NF1: variants seen among roughly 807,000 people sequenced by gnomAD.
The protein encoded by NF1 is neurofibromin.
NF1 carries 122 observed loss-of-function variants against 325.7 expected under a neutral mutation model. The observed-to-expected ratio is 0.37, with a 90% CI of 0.32 to 0.44. NF1 has a LOEUF of 0.44. NF1 is among the 20% of genes least tolerant of loss of function. The pLI is 1.00. For missense variants in NF1, 2,140 were observed against 3,415.4 expected (o/e 0.63, Z 9.31); for synonymous variants, 1,091 against 1,186.0 (o/e 0.92, Z 1.65).
intron 1 of NF1, among the ~76,000 whole-genome samples, chr17:31,104,985 G>T (rs1028306432): frequency 2.6e-5 from 4 of 151,980 alleles, no homozygotes; most frequent in Admixed American, 1.3e-4. Flanking sequence ...GCTCACCATA[G>T]CCTCGAACTC....
rs1597882991 is a variant in NF1 at position 31,374,033 on chromosome 17, G to A, written c.8398G>A (p.Glu2800Lys). 1.2e-6 allele frequency: 2 copies of A among 1,614,066 alleles called. No homozygotes were observed. Among genetic ancestry groups the A allele is most frequent in the Non-Finnish European group, 1.7e-6 (2 of 1,179,948 alleles). ...TCCAGGAATCGACAAGGAGAACGTT[G>A]AACTCTCCCCTACCACTGGCCACTG... is the stretch of plus-strand genomic sequence containing the variant. ...HSPGIDKENV[E>K]LSPTTGHCNS... The change falls in exon 58 of 58, where the codon GAA (glutamate) becomes AAA (lysine). Residue 2800 changes from glutamate to lysine, a missense_variant. Glu to Lys is a moderately conservative substitution (Grantham distance 56). This residue lies in a region of NF1 where 522 missense variants were observed against 749.0 expected (regional missense o/e 0.70). Transcript: ENST00000358273.
intron 36 of NF1, among the ~76,000 whole-genome samples, chr17:31,315,566 T>A (rs899125326): frequency 4.6e-5 from 7 of 152,170 alleles, no homozygotes; most frequent in African/African-American, 1.4e-4. Flanking sequence ...ATACAAAAAA[T>A]TTTTAAGTTA....
At chr17:31,189,758 ATTTTTTTT>A (rs1007309645) in intron 8 of NF1, among the ~76,000 whole-genome samples, 34 of 118,562 alleles carry the variant, frequency 2.9e-4, no homozygotes, top group Middle Eastern at 5.0e-3. Context: ...AAAGAAAAGT[ATTTTTTTT>A]TTTTTTTTTT....
chr17:31,198,907 C>T (rs1435126930), intron 8 of NF1, among the ~76,000 whole-genome samples: 6 of 152,146 alleles, frequency 3.9e-5, no homozygotes, highest in Admixed American at 2.0e-4. Context: ...GCATGAGCCA[C>T]TGCATCTGGC....
chr17:31,256,010 A>G (rs1234356934), intron 31 of NF1, among the ~76,000 whole-genome samples: 1 of 152,198 alleles, frequency 6.6e-6, no homozygotes, highest in Non-Finnish European at 1.5e-5. Context: ...AGTTAAACGT[A>G]TGAGATGCTA....
intron 3 of NF1, among the ~76,000 whole-genome samples, chr17:31,160,685 T>C (rs779427876): frequency 1.3e-5 from 2 of 152,186 alleles, no homozygotes; most frequent in African/African-American, 2.4e-5. Context: ...GCCACACCCA[T>C]GACTGAATGG....
At chr17:31,274,879 T>C (rs548261882) in intron 36 of NF1, among the ~76,000 whole-genome samples, 11 of 152,202 alleles carry the variant, frequency 7.2e-5, no homozygotes, top group Non-Finnish European at 1.5e-4. Flanking sequence ...TCAACTTGTT[T>C]AAAATTCAGA....
intron 39 of NF1, among the ~76,000 whole-genome samples, chr17:31,332,311 A>G (rs2069521856): frequency 6.6e-6 from 1 of 151,796 alleles, no homozygotes; most frequent in Non-Finnish European, 1.5e-5. Flanking sequence ...TAAAAATACA[A>G]AAATTAGCCG....
intron 36 of NF1, among the ~76,000 whole-genome samples, chr17:31,300,349 T>C (rs1247649974): frequency 1.3e-5 from 2 of 152,082 alleles, no homozygotes; most frequent in African/African-American, 4.8e-5. Context: ...CTAAAAAAAA[T>C]GTAAGCATAT....
chr17:31,315,112 T>C (rs2068987284), intron 36 of NF1, among the ~76,000 whole-genome samples: 1 of 152,202 alleles, frequency 6.6e-6, no homozygotes, highest in African/African-American at 2.4e-5. Context: ...TTAAATTATT[T>C]TGACCAAATA....
At chr17:31,293,345 G>GTGGAGATAGCT (rs1680302478) in intron 36 of NF1, among the ~76,000 whole-genome samples, 1 of 152,096 alleles carries the variant, frequency 6.6e-6, no homozygotes, top group South Asian at 2.1e-4. Context: ...TTGGGAGGGA[G>GTGGAGATAGCT]TGGAGATAGC....
Position 31,233,191 on chromosome 17 carries a change from A to G in NF1, c.3686A>G (p.Asn1229Ser), listed in dbSNP as rs140523180. Reference sequence around the variant, plus strand: ...CTCCCTATAGCGATGGCTCTGGCCAATGTGGTTCCTTGTTCTCAGTGGGTA... The same window carrying G: ...CTCCCTATAGCGATGGCTCTGGCCAGTGTGGTTCCTTGTTCTCAGTGGGTA... ...GELPIAMALANVVPCSQWDEL... is the reference protein window; with the variant it reads ...GELPIAMALASVVPCSQWDEL... The change falls in exon 27 of 58, where the codon AAT becomes AGT. Residue 1229 changes from asparagine (N) to serine (S), a missense_variant. Transcript: ENST00000358273. 107 of 1,614,096 alleles carry G rather than the reference A, an allele frequency of 6.6e-5. No homozygotes were observed. The highest frequency in any genetic ancestry group is 1.3e-4 in the African/African-American group (10 of 74,942).
intron 31 of NF1, chr17:31,257,739 A>G (rs1479764888): frequency 1.3e-5 from 2 of 152,086 alleles, no homozygotes; most frequent in African/African-American, 4.8e-5. Flanking sequence ...AGGTTCTTGT[A>G]TTATAAAGGA....
Position 31,252,842 on chromosome 17 carries a change from C to A in NF1, c.4111-96C>A, listed in dbSNP as rs142126677. 113 of 955,850 alleles carry A rather than the reference C, an allele frequency of 1.2e-4. 1 individual carries two copies. In the African/African-American group the frequency reaches 1.5e-3, roughly 13 times the overall value. 59.2% of individuals were successfully genotyped at this position (955,850 alleles called of 1,614,324 possible). On this transcript the variant is annotated intron_variant, in intron 30 of 57. Transcript: ENST00000358273. ...TTTTTTGTTGATTCCATTTGTGTTA[C>A]ATTTTATGGTGTAATTTTATGTACA...
intron 12 of NF1, among the ~76,000 whole-genome samples, chr17:31,212,855 A>G (rs188069931): frequency 1.3e-5 from 2 of 152,356 alleles, no homozygotes; most frequent in East Asian, 3.8e-4. Context: ...ATCACTACAA[A>G]CAATAACGCA....
At chr17:31,363,657 C>T (rs777288117) in intron 57 of NF1, among the ~76,000 whole-genome samples, 17 of 151,470 alleles carry the variant, frequency 1.1e-4, no homozygotes, top group East Asian at 3.9e-4. Context: ...AGGATGATCT[C>T]GATCTCCTGA....
Position 31,123,114 on chromosome 17 carries a change from C to G in NF1, c.60+27745C>G, listed in dbSNP as rs375623516. Among the ~76,000 whole-genome samples the G allele has an allele frequency of 2.0e-3, 303 of 152,264 alleles. 15 individuals carry two copies. In the South Asian group the frequency reaches 0.061, roughly 31 times the overall value. On this transcript the variant is annotated intron_variant, in intron 1 of 57. Coordinates refer to ENST00000358273, the MANE Select transcript of NF1 (RefSeq NM_001042492.3). ...GCCATTCAAAAACTGTTTTCTCAAT[C>G]CCATGAAGGAGATGAAGCCTACATG...
intron 36 of NF1, among the ~76,000 whole-genome samples, chr17:31,270,479 A>G (rs897514704): frequency 3.3e-5 from 5 of 152,048 alleles, no homozygotes; most frequent in African/African-American, 1.2e-4. Flanking sequence ...ACATTGTGGC[A>G]TACACCTGTA....
chr17:31,271,354 ATATTAC>A (rs1202099311), intron 36 of NF1, among the ~76,000 whole-genome samples: 1 of 129,276 alleles, frequency 7.7e-6, no homozygotes. Context: ...GCGAAATGAC[ATATTAC>A]TATTAACACA....
Sources: gnomAD v4.1 joint callset for allele counts (sites outside exome capture counted in the v4.1 genomes callset) on GRCh38, gnomAD v4.1.1 for gene constraint, gnomAD v4.1.1 regional missense constraint, MANE v1.5 for transcripts, NCBI Gene and HGNC (gene_info 2026-07-23, HGNC 2026-07-21) for gene names.